SNTG2: variants seen among roughly 807,000 people sequenced by gnomAD.
SNTG2 encodes the protein syntrophin gamma 2, also known as gamma-2-syntrophin.
Under a neutral mutation model 70.9 loss-of-function variants are expected in SNTG2, and 74 were observed. The ratio of observed to expected loss-of-function variants is 1.04; its 90% CI spans 0.86 to 1.27. The LOEUF (loss-of-function observed/expected upper bound fraction) is 1.27. SNTG2 is among the 50% of genes most tolerant of loss of function. The pLI is 0.00. For synonymous variants in SNTG2, 278 were observed against 273.8 expected (o/e 1.02, Z -0.15); for missense variants, 717 against 690.7 (o/e 1.04, Z -0.43).
At chr2:1,361,697 A>G (rs1661159278) in intron 16 of SNTG2, among the ~76,000 whole-genome samples, 1 of 146,242 alleles carries the variant, frequency 6.8e-6, no homozygotes, top group African/African-American at 2.5e-5. Flanking sequence ...TGAGCATTTC[A>G]GTAGAACTTC....
At chr2:1,131,940 G>C (rs569275475) in intron 4 of SNTG2, among the ~76,000 whole-genome samples, 1 of 152,090 alleles carries the variant, frequency 6.6e-6, no homozygotes, top group Non-Finnish European at 1.5e-5. Flanking sequence ...GTGAGCCACC[G>C]CACCTGGCCA....
At chr2:1,263,582 G>T (rs1445878742) in intron 13 of SNTG2, among the ~76,000 whole-genome samples, 2 of 151,868 alleles carry the variant, frequency 1.3e-5, no homozygotes, top group Admixed American at 6.6e-5. Flanking sequence ...AGTCGTGGGG[G>T]TGGCTGGAAA....
At chr2:1,243,215 T>TA (rs1269542443) in intron 11 of SNTG2, among the ~76,000 whole-genome samples, 33 of 152,320 alleles carry the variant, frequency 2.2e-4, no homozygotes, top group African/African-American at 6.7e-4. Flanking sequence ...CCTTAATACA[T>TA]AACTCTCCTT....
intron 2 of SNTG2, among the ~76,000 whole-genome samples, chr2:1,092,331 C>G (rs1041641537): frequency 6.6e-6 from 1 of 151,992 alleles, no homozygotes; most frequent in Non-Finnish European, 1.5e-5. Flanking sequence ...TGAGGCCAGG[C>G]CTGTGTGAGG....
chr2:1,116,641 A>G (rs1304692617), intron 4 of SNTG2, among the ~76,000 whole-genome samples: 55 of 48,020 alleles, frequency 1.1e-3, no homozygotes, highest in South Asian at 2.2e-3. Context: ...TGGGTGCTCC[A>G]GTGTATGAGT....
chr2:1,285,899 C>T (rs1440716872), intron 14 of SNTG2, among the ~76,000 whole-genome samples: 2 of 152,176 alleles, frequency 1.3e-5, no homozygotes. Flanking sequence ...AATCATAGGG[C>T]ATGGTAATAC....
intron 1 of SNTG2, among the ~76,000 whole-genome samples, chr2:1,045,331 A>C (rs948976375): frequency 1.3e-5 from 2 of 151,916 alleles, no homozygotes; most frequent in African/African-American, 4.8e-5. Context: ...ATTCACTAAA[A>C]AAAAACTTTT....
intron 6 of SNTG2, among the ~76,000 whole-genome samples, chr2:1,154,475 C>T (rs748059965): frequency 5.9e-5 from 9 of 152,062 alleles, no homozygotes; most frequent in East Asian, 5.8e-4. Flanking sequence ...TGTTGAAAAA[C>T]GCTGATGAGA....
rs1294910593 is a variant in SNTG2 at position 1,316,774 on chromosome 2, G to C, written c.1488+399G>C. Among the ~76,000 whole-genome samples, 2 of 111,330 alleles carry C rather than the reference G, an allele frequency of 1.8e-5. 1 individual carries two copies. The highest frequency in any genetic ancestry group is 4.0e-5 in the Non-Finnish European group (2 of 49,708). The allele number at this position is 111,330 out of a possible 152,430, so 73.0% of individuals were successfully genotyped here. A position where few individuals can be genotyped will look rare whatever the true frequency, so the allele number is the denominator to read the frequency against. On this transcript the variant is annotated intron_variant, in intron 16 of 16. Transcript: ENST00000308624. ...AGCATTGGAGAAGGTTGGGATTCTGGAACATTTAGCATCAGGTCAGCATTG... is the reference window on the plus strand; with the variant it reads ...AGCATTGGAGAAGGTTGGGATTCTGCAACATTTAGCATCAGGTCAGCATTG...
At chr2:1,136,922 T>A (rs145191675) in intron 4 of SNTG2, among the ~76,000 whole-genome samples, 2 of 152,304 alleles carry the variant, frequency 1.3e-5, no homozygotes, top group African/African-American at 4.8e-5. Flanking sequence ...CTTATGAGAA[T>A]GAGGGGAAAT....
At position 1,347,746 on chromosome 2, in the gene SNTG2, A is replaced by G. The variant is rs145290539; in HGVS notation, c.1489-19597A>G. ...GAGTCAGCTGTGTGAGGTTTGAAGA[A>G]TTTATCAGTCCCAGGGAGACATGAA... On this transcript the variant is annotated intron_variant, in intron 16 of 16. Transcript: ENST00000308624. Among the ~76,000 whole-genome samples the G allele has an allele frequency of 1.5e-4, 23 of 152,338 alleles. No homozygotes were observed. The East Asian group carries it at 4.3e-3, about 28-fold the overall frequency.
intron 1 of SNTG2, among the ~76,000 whole-genome samples, chr2:1,025,686 C>T (rs1660443796): frequency 6.6e-6 from 1 of 152,156 alleles, no homozygotes. Context: ...GACCCTGGCC[C>T]TCCTGTCCCC....
chr2:1,112,544 C>T (rs577649387), intron 4 of SNTG2, among the ~76,000 whole-genome samples: 3 of 150,688 alleles, frequency 2.0e-5, no homozygotes, highest in South Asian at 4.2e-4. Context: ...TCAGAAAGAT[C>T]GTGTGTACTA....
At chr2:1,256,787 C>T (rs2148158563) in intron 12 of SNTG2, among the ~76,000 whole-genome samples, 1 of 152,174 alleles carries the variant, frequency 6.6e-6, no homozygotes, top group African/African-American at 2.4e-5. Context: ...ATGAAGTCAC[C>T]TGAGCTGCGT....
chr2:1,006,834 T>C (rs1659588198), intron 1 of SNTG2, among the ~76,000 whole-genome samples: 1 of 152,016 alleles, frequency 6.6e-6, no homozygotes, highest in South Asian at 2.1e-4. Context: ...GAGACCAGCC[T>C]GACCATCATG....
intron 1 of SNTG2, among the ~76,000 whole-genome samples, chr2:1,034,247 C>T (rs955970518): frequency 2.6e-5 from 4 of 152,146 alleles, no homozygotes; most frequent in Non-Finnish European, 4.4e-5. Flanking sequence ...GAATAATGGC[C>T]TCCAGCTCCA....
At chr2:953,203 T>A (rs575225723) in intron 1 of SNTG2, among the ~76,000 whole-genome samples, 2 of 152,234 alleles carry the variant, frequency 1.3e-5, no homozygotes, top group East Asian at 3.8e-4. Flanking sequence ...AGTGAGTTCA[T>A]GGAGCTCTGT....
chr2:1,076,493 A>C (rs1014187196), intron 1 of SNTG2, among the ~76,000 whole-genome samples: 1 of 152,200 alleles, frequency 6.6e-6, no homozygotes, highest in Non-Finnish European at 1.5e-5. Flanking sequence ...TTTTTGTCAC[A>C]CTTTGAATCT....
chr2:1,145,596 C>T lies in SNTG2; in HGVS notation c.411+7787C>T, dbSNP rs369813690. 5.3e-5 allele frequency among the ~76,000 whole-genome samples: 8 copies of T among 152,194 alleles called. No individual in the cohort carries two copies. The East Asian group carries it at 9.6e-4, about 18-fold the overall frequency. ...CTCAAACAGAAAGTGCCAGGCCAGA[C>T]GGGTTCCCTGGTGAGTTCTACCAAA... On this transcript the variant is annotated intron_variant, in intron 6 of 16. Transcript: ENST00000308624.
Sources: gnomAD v4.1 joint callset for allele counts (sites outside exome capture counted in the v4.1 genomes callset) on GRCh38, gnomAD v4.1.1 for gene constraint, MANE v1.5 for transcripts, NCBI Gene and HGNC (gene_info 2026-07-23, HGNC 2026-07-21) for gene names.